Variants in TMEM164 observed in about 807,000 individuals in gnomAD.
The protein encoded by TMEM164 is RP13-360B22.2.
Under a neutral mutation model 18.8 loss-of-function variants are expected in TMEM164, and 4 were observed. The observed-to-expected ratio is 0.21, with a 90% CI of 0.10 to 0.49. The LOEUF (loss-of-function observed/expected upper bound fraction) is 0.49, where lower values mean the gene tolerates loss of function less well. TMEM164 is among the 20% of genes least tolerant of loss of function. TMEM164 has a pLI of 0.98. For missense variants in TMEM164, 108 were observed against 239.9 expected (o/e 0.45, Z 3.63); for synonymous variants, 86 against 101.7 (o/e 0.85, Z 0.93).
intron 2 of TMEM164, among the ~76,000 whole-genome samples, chrX:110,007,957 A>G (rs1296421916): frequency 8.9e-6 from 1 of 112,406 alleles, no homozygotes; most frequent in Non-Finnish European, 1.9e-5. Context: ...GGCTGTATCC[A>G]GGCTGGATAT....
In TMEM164 at chrX:110,176,402, C is replaced by A; in HGVS notation, c.*2951C>A. The A allele has an allele frequency of 1.3e-6, 1 of 756,876 alleles. No homozygotes were observed. Among genetic ancestry groups the A allele is most frequent in the South Asian group, 6.7e-5 (1 of 14,891 alleles). The allele number at this position is 756,876 out of a possible 1,213,427, so 62.4% of individuals were successfully genotyped here. On this transcript the variant is annotated 3_prime_UTR_variant, in exon 7 of 7. Transcript: ENST00000372068. ...ATGTTCCTCTGTCAGCCTGTGAAGG[C>A]ATGCAGGGTTCTGAAGCCACAGACT...
chrX:110,146,511 T>C (rs1446680544), intron 5 of TMEM164, among the ~76,000 whole-genome samples: 1 of 112,025 alleles, frequency 8.9e-6, no homozygotes, highest in Non-Finnish European at 1.9e-5. Context: ...AGGGCTGTAA[T>C]GAGAGACAGT....
At position 110,109,141 on chromosome X, in the gene TMEM164, C is replaced by T; in HGVS notation, c.502C>T (p.Arg168Trp). 1 of 1,208,592 alleles carries T rather than the reference C, an allele frequency of 8.3e-7. No individual in the cohort carries two copies. The highest frequency in any genetic ancestry group is 1.1e-6 in the Non-Finnish European group (1 of 892,723). ...ATTGCTGTTTCCTGTGGTAAACACT[C>T]GGCTGGTAAGTAGCCTCTTCTAGGA... is the stretch of plus-strand genomic sequence containing the variant. ...LALLFPVVNT[R>W]LLPFELEIYY... The change falls in exon 4 of 7, where the codon CGG becomes TGG. Residue 168 changes from arginine (R) to tryptophan (W), a missense_variant. Physicochemically the swap from Arg to Trp is moderately radical, Grantham distance 101. Transcript: ENST00000372068.
Position 110,106,810 on chromosome X carries a change from A to G in TMEM164, c.441-2270A>G, listed in dbSNP as rs1419253029. On this transcript the variant is annotated intron_variant, in intron 3 of 6. Coordinates refer to ENST00000372068, the MANE Select transcript of TMEM164 (RefSeq NM_032227.4). ...GATTCTACTTCACTGAAGGCCTGGA[A>G]TGGCTGTTAATAGCTCCTGCTATAG... Among the ~76,000 whole-genome samples, 3 of 112,010 alleles carry G rather than the reference A, an allele frequency of 2.7e-5. No individual in the cohort carries two copies. The East Asian group carries it at 8.4e-4, about 31-fold the overall frequency.
At chrX:110,144,690 T>G in intron 4 of TMEM164, 108 bp from the exon 5 acceptor site, 1 of 466,919 alleles carries the variant, frequency 2.1e-6, no homozygotes, top group Non-Finnish European at 3.6e-6. Flanking sequence ...GTGAAATGCA[T>G]GGGATTGCTG....
chrX:110,138,015 G>A (rs1365107855), intron 4 of TMEM164, among the ~76,000 whole-genome samples: 1 of 112,116 alleles, frequency 8.9e-6, no homozygotes, highest in Non-Finnish European at 1.9e-5. Context: ...ACATACTAAT[G>A]TGTGACTTAG....
intron 2 of TMEM164, among the ~76,000 whole-genome samples, chrX:110,059,569 G>A (rs1936014848): frequency 8.9e-6 from 1 of 111,920 alleles, no homozygotes; most frequent in Non-Finnish European, 1.9e-5. Flanking sequence ...TCAAGGAGGA[G>A]TGTAACAGGA....
chrX:110,091,949 C>T (rs2065936316), intron 3 of TMEM164, among the ~76,000 whole-genome samples: 1 of 112,048 alleles, frequency 8.9e-6, no homozygotes, highest in East Asian at 2.8e-4. Context: ...TTCCCAGCAC[C>T]ATTTATTAAA....
downstream of TMEM164, chrX:110,182,610 G>T (rs1279157195): frequency 8.9e-6 from 1 of 112,055 alleles, no homozygotes; most frequent in Non-Finnish European, 1.9e-5. Flanking sequence ...AAGTAGGGGT[G>T]GGGGTGTGAA....
intron 2 of TMEM164, among the ~76,000 whole-genome samples, chrX:110,063,138 G>C (rs1470980317): frequency 9.0e-6 from 1 of 111,272 alleles, no homozygotes; most frequent in Non-Finnish European, 1.9e-5. Context: ...GGAGCTTGGG[G>C]AGATTGTGTG....
downstream of TMEM164, among the ~76,000 whole-genome samples, chrX:110,183,982 C>CA (rs1362129459): frequency 2.7e-5 from 3 of 111,308 alleles, no homozygotes; most frequent in African/African-American, 9.8e-5. Flanking sequence ...ATGGTGGATA[C>CA]ATTTCATTAT....
downstream of TMEM164, among the ~76,000 whole-genome samples, chrX:110,183,627 T>C (rs891111200): frequency 8.9e-6 from 1 of 112,285 alleles, no homozygotes; most frequent in African/African-American, 3.2e-5. Flanking sequence ...GTCACCATCA[T>C]CATCCTCATC....
At chrX:110,067,089 G>T (rs766768723) in intron 2 of TMEM164, among the ~76,000 whole-genome samples, 1 of 109,422 alleles carries the variant, frequency 9.1e-6, no homozygotes, top group African/African-American at 3.3e-5. Flanking sequence ...TACTTGTGTC[G>T]TATTGAAACT....
At chrX:110,071,357 A>G (rs2065586013) in intron 3 of TMEM164, among the ~76,000 whole-genome samples, 1 of 109,735 alleles carries the variant, frequency 9.1e-6, no homozygotes, top group Non-Finnish European at 1.9e-5. Flanking sequence ...CTTTTTCTAC[A>G]TCTATTGGTC....
At chrX:110,093,081 G>T (rs1031757836) in intron 3 of TMEM164, among the ~76,000 whole-genome samples, 2 of 111,823 alleles carry the variant, frequency 1.8e-5, no homozygotes, top group Non-Finnish European at 3.8e-5. Flanking sequence ...TGATGGATAA[G>T]CTTTTTGATG....
At chrX:110,096,854 G>T (rs769649341) in intron 3 of TMEM164, among the ~76,000 whole-genome samples, 2 of 111,495 alleles carry the variant, frequency 1.8e-5, no homozygotes, top group Non-Finnish European at 3.8e-5. Flanking sequence ...ATTCTGAAAC[G>T]CAAGGTCCTA....
At chrX:110,083,415 C>T (rs911565151) in intron 3 of TMEM164, among the ~76,000 whole-genome samples, 4 of 111,398 alleles carry the variant, frequency 3.6e-5, no homozygotes, top group African/African-American at 1.3e-4. Context: ...ATTGATCTCT[C>T]TCTTGGGTTT....
At chrX:110,120,823 A>G (rs887768740) in intron 4 of TMEM164, among the ~76,000 whole-genome samples, 1 of 111,807 alleles carries the variant, frequency 8.9e-6, no homozygotes, top group Non-Finnish European at 1.9e-5. Flanking sequence ...GCTCCCACAT[A>G]TAAGTGAGAA....
At chrX:110,170,750 T>A (rs2067219490) in intron 5 of TMEM164, among the ~76,000 whole-genome samples, 1 of 112,276 alleles carries the variant, frequency 8.9e-6, no homozygotes, top group Non-Finnish European at 1.9e-5. Context: ...AATGCCAGCA[T>A]TTAACACTCA....
Sources: allele counts gnomAD v4.1 joint callset (sites outside exome capture counted in the v4.1 genomes callset), GRCh38; gene constraint gnomAD v4.1.1; transcripts MANE v1.5; gene names NCBI Gene and HGNC (gene_info 2026-07-23, HGNC 2026-07-21).